The following DMAC2L variants were observed in gnomAD, a reference collection of about 807,000 sequenced individuals.
The protein encoded by DMAC2L is ATP synthase subunit s, mitochondrial.
Under a neutral mutation model 22.5 loss-of-function variants are expected in DMAC2L, and 21 were observed. The ratio of observed to expected loss-of-function variants is 0.93; its 90% CI spans 0.66 to 1.34. The LOEUF (loss-of-function observed/expected upper bound fraction) is 1.34, where lower values mean the gene tolerates loss of function less well. DMAC2L is among the 40% of genes most tolerant of loss of function. The probability of loss-of-function intolerance (pLI) is 0.00; values close to 1 mark genes in which losing one functional copy is unlikely to be tolerated. For missense variants in DMAC2L, 239 were observed against 246.5 expected, an observed-to-expected ratio of 0.97 and a Z score of 0.20; for synonymous variants, 86 against 89.5, an observed-to-expected ratio of 0.96 and a Z score of 0.22.
intron 2 of DMAC2L, among the ~76,000 whole-genome samples, chr14:50,317,339 A>T (rs773397236): frequency 2.6e-5 from 4 of 152,166 alleles, no homozygotes; most frequent in Non-Finnish European, 5.9e-5. Flanking sequence ...AGGAGTCTTT[A>T]GGGTTTTCTA....
At chr14:50,321,822 T>C (rs904587767) in intron 3 of DMAC2L, among the ~76,000 whole-genome samples, 3 of 152,258 alleles carry the variant, frequency 2.0e-5, no homozygotes, top group Non-Finnish European at 4.4e-5. Context: ...TTTTCTTACT[T>C]GTCCTTTTGA....
chr14:50,317,771 CA>C (rs202116755), intron 2 of DMAC2L, among the ~76,000 whole-genome samples: 2,887 of 139,344 alleles, frequency 0.021, 106 homozygotes, highest in East Asian at 0.16. Flanking sequence ...ACACTATCTC[CA>C]AAAAAAAAAA....
chr14:50,325,785 A>G lies in DMAC2L; in HGVS notation c.*62A>G. 1.3e-6 allele frequency: 2 copies of G among 1,566,660 alleles called. No individual in the cohort carries two copies. Among genetic ancestry groups the G allele is most frequent in the South Asian group, 1.2e-5 (1 of 85,560 alleles). ...AAACTGTTGATTCCAAACATCAACT[A>G]ATATTATATAGTCATCAGTAGAATT... On this transcript the variant is annotated 3_prime_UTR_variant, in exon 6 of 6. Coordinates refer to ENST00000557421, the MANE Select transcript of DMAC2L (RefSeq NM_001382507.1).
rs141854961 is a variant in DMAC2L at position 50,324,861 on chromosome 14, C to T, written c.488+745C>T. On this transcript the variant is annotated intron_variant, in intron 5 of 5. Coordinates refer to ENST00000557421, the MANE Select transcript of DMAC2L (RefSeq NM_001382507.1). ...CATGATCTTGGCTCACTACAACTTC[C>T]GCTTCCTGGGTTCAAGCGATTCTCC... Among the ~76,000 whole-genome samples, 590 of 152,214 alleles carry T rather than the reference C, an allele frequency of 3.9e-3. 3 individuals are homozygous for T. The highest frequency in any genetic ancestry group is 0.013 in the African/African-American group (528 of 41,530).
At position 50,327,394 on chromosome 14, in the gene DMAC2L, A is replaced by G. The variant is rs904271608; in HGVS notation, c.*1671A>G. 2 of 150,822 alleles carry G rather than the reference A, an allele frequency of 1.3e-5. No homozygotes were observed. The highest frequency in any genetic ancestry group is 6.6e-5 in the Admixed American group (1 of 15,156). 9.3% of individuals were successfully genotyped at this position (150,822 alleles called of 1,614,324 possible). A position where few individuals can be genotyped will look rare whatever the true frequency, so the allele number is the denominator to read the frequency against. The stretch of plus-strand genomic sequence containing the variant: ...AGGTCTTCATTGTTACCTGTGAGAA[A>G]TGGCCCTGATTCTATTACTCTTATA... On this transcript the variant is annotated 3_prime_UTR_variant, in exon 6 of 6. Coordinates refer to ENST00000557421, the MANE Select transcript of DMAC2L (RefSeq NM_001382507.1).
chr14:50,319,138 G>A, intron 2 of DMAC2L: 1 of 1,517,680 alleles, frequency 6.6e-7, no homozygotes. Flanking sequence ...AGCTGGGAAA[G>A]CCCATATTTG....
chr14:50,321,261 C>A, intron 2 of DMAC2L: 1 of 682,170 alleles, frequency 1.5e-6, no homozygotes, highest in Non-Finnish European at 2.0e-6. Context: ...AACGTTCTAG[C>A]CGGAAGGAGC....
At position 50,326,194 on chromosome 14, in the gene DMAC2L, A is replaced by G. The variant is rs1426897154; in HGVS notation, c.*471A>G. 3.9e-6 allele frequency: 1 copy of G among 257,004 alleles called. No individual in the cohort carries two copies. The highest frequency in any genetic ancestry group is 6.0e-6 in the Non-Finnish European group (1 of 165,538). 15.9% of individuals were successfully genotyped at this position (257,004 alleles called of 1,614,324 possible). On this transcript the variant is annotated 3_prime_UTR_variant, in exon 6 of 6. Transcript: ENST00000557421. Reference sequence around the variant, plus strand: ...CAGGGACCCGAGATTGTGCCACTGCACTCCAGCCTGGGTGACAGAGCGAGA... The same window carrying G: ...CAGGGACCCGAGATTGTGCCACTGCGCTCCAGCCTGGGTGACAGAGCGAGA...
chr14:50,321,415 T>C (rs997300944), intron 2 of DMAC2L, 68 bp from the exon 3 acceptor site: 2 of 1,587,044 alleles, frequency 1.3e-6, no homozygotes, highest in African/African-American at 1.3e-5. Context: ...GCATTGACTC[T>C]GAAGTAAGTT....
Position 50,312,384 on chromosome 14 carries a change from G to A in DMAC2L, c.-47G>A, listed in dbSNP as rs867697717. 2.0e-4 allele frequency: 109 copies of A among 556,238 alleles called. No individual in the cohort carries two copies. The highest frequency in any genetic ancestry group is 1.7e-3 in the African/African-American group (88 of 50,960). 34.5% of individuals were successfully genotyped at this position (556,238 alleles called of 1,614,324 possible). On this transcript the variant is annotated 5_prime_UTR_variant, in exon 1 of 6. Coordinates refer to ENST00000557421, the MANE Select transcript of DMAC2L (RefSeq NM_001382507.1). ...GCTCGCTCCCTCCCTCCCTCCCTCC[G>A]ACGCTGTGAGTAGAGAAGCTAGGCC...
chr14:50,322,421 G>T, intron 3 of DMAC2L, 90 bp from the exon 4 acceptor site: 1 of 1,298,364 alleles, frequency 7.7e-7, no homozygotes, highest in Non-Finnish European at 1.0e-6. Context: ...ATGAAAATTT[G>T]TTGCGTTCTG....
chr14:50,321,611 A>G lies in DMAC2L; in HGVS notation c.107+17A>G, dbSNP rs1056279432. 1.9e-6 allele frequency: 3 copies of G among 1,566,710 alleles called. No individual in the cohort carries two copies. The highest frequency in any genetic ancestry group is 1.4e-5 in the African/African-American group (1 of 73,930). On this transcript the variant is annotated intron_variant, in intron 3 of 5. Transcript: ENST00000557421. ...GTTTAATAAGTAAGTTACTCTAAAT[A>G]AAGTGAAGAAATGTGGAGATGGTTA...
At chr14:50,321,743 G>GA in intron 3 of DMAC2L, 149 bp downstream of exon 3, 2 of 513,508 alleles carry the variant, frequency 3.9e-6, no homozygotes, top group Non-Finnish European at 6.8e-6. Context: ...CACAAACATG[G>GA]AAAAAACACC....
intron 2 of DMAC2L, among the ~76,000 whole-genome samples, chr14:50,318,773 G>T (rs1477114168): frequency 6.6e-6 from 1 of 151,904 alleles, no homozygotes; most frequent in Non-Finnish European, 1.5e-5. Flanking sequence ...CTAGTGTGAA[G>T]GCCTTCTTCT....
At position 50,322,565 on chromosome 14, in the gene DMAC2L, G is replaced by A; in HGVS notation, c.162G>A (p.Trp54Ter). The change falls in exon 4 of 6, where the codon TGG becomes TGA. Residue 54 changes from tryptophan to a stop codon, truncating the protein, a stop_gained. Transcript: ENST00000557421. LOFTEE classifies it high-confidence loss of function. ...DVGPDRAASE[W>*]LLRCGAMVRY... Reference sequence around the variant, plus strand: ...GCCCTGACAGGGCGGCATCCGAGTGGTTGCTGCGCTGTGGGGCCATGGTGC... The same window carrying A: ...GCCCTGACAGGGCGGCATCCGAGTGATTGCTGCGCTGTGGGGCCATGGTGC... 6.2e-7 allele frequency: 1 copy of A among 1,614,118 alleles called. No individual in the cohort carries two copies. Among genetic ancestry groups the A allele is most frequent in the Non-Finnish European group, 8.5e-7 (1 of 1,179,938 alleles).
rs538661049 is a variant in DMAC2L, at chr14:50,324,359, T to A, written c.488+243T>A. The A allele has an allele frequency of 2.3e-5, 6 of 260,186 alleles. No individual in the cohort carries two copies. In the South Asian group the frequency reaches 5.4e-4, roughly 23 times the overall value. 16.1% of individuals were successfully genotyped at this position (260,186 alleles called of 1,614,324 possible). On this transcript the variant is annotated intron_variant, in intron 5 of 5. Coordinates refer to ENST00000557421, the MANE Select transcript of DMAC2L (RefSeq NM_001382507.1). ...TTAAATCTACATTAAGCACCTAGCA[T>A]GGTGCCTGCCACAGTAAGCCCTCAG...
chr14:50,322,475 T>C (rs1192496930), intron 3 of DMAC2L, 36 bp from the exon 4 acceptor site: 1 of 1,568,062 alleles, frequency 6.4e-7, no homozygotes, highest in Admixed American at 1.8e-5. Flanking sequence ...TAGTGATTAT[T>C]GTAAAAGCAA....
In DMAC2L at chr14:50,325,610, A is replaced by C. The variant is rs2032663542; in HGVS notation, c.490A>C (p.Asn164His). ...KGIIALRHLR[N>H]LKYLLLSDLP... ...AGTGACTTTTTTCTTTATTTGCAGA[A>C]ACCTCAAATATTTGTTGTTAAGTGA... Residue 164 changes from asparagine (N) to histidine (H), a missense_variant and splice_region_variant, in exon 6 of 6, where the codon AAC (asparagine) becomes CAC (histidine). Transcript: ENST00000557421. 1.2e-6 allele frequency: 2 copies of C among 1,601,160 alleles called. No homozygotes were observed. The highest frequency in any genetic ancestry group is 1.7e-6 in the Non-Finnish European group (2 of 1,173,602).
intron 1 of DMAC2L, among the ~76,000 whole-genome samples, chr14:50,313,689 C>T (rs1377869215): frequency 6.6e-6 from 1 of 152,218 alleles, no homozygotes; most frequent in African/African-American, 2.4e-5. Flanking sequence ...AGTACCATAT[C>T]ACAACCAGGT....
Sources: gnomAD v4.1 joint callset for allele counts (sites outside exome capture counted in the v4.1 genomes callset) on GRCh38, gnomAD v4.1.1 for gene constraint, MANE v1.5 for transcripts, NCBI Gene and HGNC (gene_info 2026-07-23, HGNC 2026-07-21) for gene names.